The following FAM83E variants were observed in gnomAD, a reference collection of about 807,000 sequenced individuals.
The protein encoded by FAM83E is scaffolding CK1 anchoring protein E, also known as protein FAM83E.
Under a neutral mutation model 34.3 loss-of-function variants are expected in FAM83E, and 29 were observed. That is an observed-to-expected ratio of 0.85 (90% CI 0.63 to 1.15). The LOEUF (loss-of-function observed/expected upper bound fraction) is 1.15. Among genes scored for constraint, FAM83E ranks in the 50% most tolerant of loss-of-function variants. The probability of loss-of-function intolerance (pLI) is 0.00; values close to 1 mark genes in which losing one functional copy is unlikely to be tolerated. For synonymous variants in FAM83E, 312 were observed against 311.6 expected, an observed-to-expected ratio of 1.00 and a Z score of -0.01; for missense variants, 697 against 685.0, an observed-to-expected ratio of 1.02 and a Z score of -0.20.
At chr19:48,605,006 C>T (rs1407734668) in intron 5 of FAM83E, among the ~76,000 whole-genome samples, 3 of 124,360 alleles carry the variant, frequency 2.4e-5, no homozygotes, top group African/African-American at 1.0e-4. Context: ...GGCGACAGAG[C>T]GAGACTCTGA....
chr19:48,609,832 G>A, intron 5 of FAM83E, 44 bp downstream of exon 5: 1 of 1,598,976 alleles, frequency 6.3e-7, no homozygotes, highest in Admixed American at 1.7e-5. Flanking sequence ...AGGGAAAGTG[G>A]GGTATAGGAC....
chr19:48,613,042 C>A lies in FAM83E; in HGVS notation c.331G>T (p.Val111Phe). Residue 111 changes from valine (V) to phenylalanine (F), a missense_variant, in exon 3 of 7, where the codon GTC becomes TTC. By Grantham distance (50) the Val-to-Phe change is conservative. Coordinates refer to ENST00000263266, the MANE Select transcript of FAM83E (RefSeq NM_017708.4). Reference sequence around the variant, plus strand: ...TCCACTGGCCAGCCCAGCCGCAGGACGGGCGCCGGCTGCTCCGACTGCCCA... The same window carrying A: ...TCCACTGGCCAGCCCAGCCGCAGGAAGGGCGCCGGCTGCTCCGACTGCCCA... The part of the protein sequence containing the change: ...WPGQSEQPAP[V>F]LRLGWPVDSA... The A allele has an allele frequency of 6.2e-7, 1 of 1,602,194 alleles. No homozygotes were observed. The highest frequency in any genetic ancestry group is 8.5e-7 in the Non-Finnish European group (1 of 1,175,606).
Position 48,613,416 on chromosome 19 carries a change from C to G in FAM83E, c.-44G>C. On this transcript the variant is annotated 5_prime_UTR_variant, in exon 3 of 7. Coordinates refer to ENST00000263266, the MANE Select transcript of FAM83E (RefSeq NM_017708.4). ...AGGACTGACTGTGAGAGGCTGGGTC[C>G]CCGGGGGTCTGGCTGTCTCTGGGGA... 6.8e-7 allele frequency: 1 copy of G among 1,473,710 alleles called. No homozygotes were observed. The highest frequency in any genetic ancestry group is 9.0e-7 in the Non-Finnish European group (1 of 1,113,628). 91.3% of individuals were successfully genotyped at this position (1,473,710 alleles called of 1,614,324 possible).
At chr19:48,603,227 G>A (rs1035453060) in intron 6 of FAM83E, among the ~76,000 whole-genome samples, 4 of 152,082 alleles carry the variant, frequency 2.6e-5, no homozygotes, top group African/African-American at 9.7e-5. Context: ...CAAGTCCTCG[G>A]CTTCCCCCCA....
At chr19:48,608,573 T>C (rs2147645293) in intron 5 of FAM83E, among the ~76,000 whole-genome samples, 1 of 150,984 alleles carries the variant, frequency 6.6e-6, no homozygotes, top group East Asian at 2.0e-4. Flanking sequence ...GCCTCCCGAG[T>C]AGCTGGGACT....
At chr19:48,610,032 T>G in intron 4 of FAM83E, 32 bp from the exon 5 acceptor site, 1 of 1,603,102 alleles carries the variant, frequency 6.2e-7, no homozygotes, top group Non-Finnish European at 8.5e-7. Flanking sequence ...GGTACACCCT[T>G]GCTGAGGCCC....
In FAM83E at chr19:48,603,491, C is replaced by A; in HGVS notation, c.1176+3G>T. ...TCTTCTGGCACCAGCCACAAGGTCT[C>A]ACCTCGTTGTCCCCATCACTGGAGC... On this transcript the variant is annotated splice_donor_region_variant and intron_variant, in intron 6 of 6. Transcript: ENST00000263266. The A allele has an allele frequency of 6.4e-7, 1 of 1,560,406 alleles. No homozygotes were observed. The highest frequency in any genetic ancestry group is 8.6e-7 in the Non-Finnish European group (1 of 1,161,892).
chr19:48,608,836 C>A (rs904819655), intron 5 of FAM83E, among the ~76,000 whole-genome samples: 14 of 151,680 alleles, frequency 9.2e-5, no homozygotes, highest in Admixed American at 2.0e-4. Context: ...CTCAGCTGGG[C>A]ACCTGTGCTC....
intron 5 of FAM83E, among the ~76,000 whole-genome samples, chr19:48,609,348 G>A (rs59926280): frequency 0.088 from 12,802 of 145,340 alleles, 761 homozygotes; most frequent in Admixed American, 0.19. Context: ...CGCGATCTCG[G>A]CTCACTGCAA....
rs978394333 is a variant in FAM83E at position 48,614,498 on chromosome 19, C to T, written c.-1126G>A. ...TATCTCGCCCTGTCTCCCTCCCAAGCCTCAGTTATCCCCTTGAGGCTCCTG... is the reference window on the plus strand; with the variant it reads ...TATCTCGCCCTGTCTCCCTCCCAAGTCTCAGTTATCCCCTTGAGGCTCCTG... On this transcript the variant is annotated 5_prime_UTR_variant, in exon 3 of 7. Coordinates refer to ENST00000263266, the MANE Select transcript of FAM83E (RefSeq NM_017708.4). The T allele has an allele frequency of 2.1e-5, 21 of 985,520 alleles. No individual in the cohort carries two copies. The highest frequency in any genetic ancestry group is 2.5e-5 in the Non-Finnish European group (21 of 830,102). The allele number at this position is 985,520 out of a possible 1,614,324, so 61.0% of individuals were successfully genotyped here.
In FAM83E at chr19:48,600,650, C is replaced by CTT. The variant is rs780157808; in HGVS notation, c.*457_*458dup. On this transcript the variant is annotated 3_prime_UTR_variant, in exon 7 of 7. Coordinates refer to ENST00000263266, the MANE Select transcript of FAM83E (RefSeq NM_017708.4). ...CGATCAGCCTTTCTTTTTCTTTTTT[C>CTT]TTTTTTTTTTTTTTTTAAAGAGATG... 5.9e-5 allele frequency among the ~76,000 whole-genome samples: 8 copies of CTT among 136,692 alleles called. No homozygotes were observed. The highest frequency in any genetic ancestry group is 3.8e-3 in the Middle Eastern group (1 of 262). The allele number at this position is 136,692 out of a possible 152,430, so 89.7% of individuals were successfully genotyped here. A position where few individuals can be genotyped will look rare whatever the true frequency, so the allele number is the denominator to read the frequency against.
rs567050533 is a variant in FAM83E at position 48,614,100 on chromosome 19, G to A, written c.-728C>T. On this transcript the variant is annotated 5_prime_UTR_variant, in exon 3 of 7. Transcript: ENST00000263266. ...GACCAGCCAGGATGCCTCTCCACTG[G>A]GCCTGCTCGCTCAGCCTTAAAGGCC... 3.0e-5 allele frequency: 30 copies of A among 985,612 alleles called. No homozygotes were observed. In the East Asian group the frequency reaches 2.8e-3, roughly 93 times the overall value. The allele number at this position is 985,612 out of a possible 1,614,324, so 61.1% of individuals were successfully genotyped here.
At position 48,614,201 on chromosome 19, in the gene FAM83E, C is replaced by T; in HGVS notation, c.-829G>A. The T allele has an allele frequency of 4.1e-6, 4 of 985,692 alleles. No homozygotes were observed. The highest frequency in any genetic ancestry group is 4.8e-6 in the Non-Finnish European group (4 of 830,160). 61.1% of individuals were successfully genotyped at this position (985,692 alleles called of 1,614,324 possible). The stretch of plus-strand genomic sequence containing the variant: ...TGGACCCTCCTCACACTCCTTCCAG[C>T]TGCTGCAGTGGAGGGTGAAATGCGC... On this transcript the variant is annotated 5_prime_UTR_variant, in exon 3 of 7. Transcript: ENST00000263266.
chr19:48,609,853 G>T (rs756045667), intron 5 of FAM83E, 23 bp downstream of exon 5: 2 of 1,609,778 alleles, frequency 1.2e-6, no homozygotes, highest in East Asian at 2.2e-5. Context: ...GCCGGGAGGT[G>T]GGGGGCGGGG....
rs80337502 is a variant in FAM83E, at chr19:48,600,999, C to G, written c.*110G>C. On this transcript the variant is annotated 3_prime_UTR_variant, in exon 7 of 7. Coordinates refer to ENST00000263266, the MANE Select transcript of FAM83E (RefSeq NM_017708.4). ...AACATCCCTTCTGCTTGACAGACGC[C>G]GAGGCCAGAAGCCTTGTCCAAGGCA... 1.4e-5 allele frequency: 20 copies of G among 1,479,908 alleles called. No homozygotes were observed. The Admixed American group carries it at 1.7e-4, about 12-fold the overall frequency. The allele number at this position is 1,479,908 out of a possible 1,614,324, so 91.7% of individuals were successfully genotyped here.
rs1005655731 is a variant in FAM83E at position 48,601,203 on chromosome 19, C to T, written c.1343G>A (p.Arg448Gln). Residue 448 changes from arginine (R) to glutamine (Q), a missense_variant, in exon 7 of 7, where the codon CGG (arginine) becomes CAG (glutamine). By Grantham distance (43) the Arg-to-Gln change is conservative (BLOSUM62 1). Coordinates refer to ENST00000263266, the MANE Select transcript of FAM83E (RefSeq NM_017708.4). ...TTTGAATGTAGCATCCCCACCGAAC[C>T]GCCTTCGGGCTGGGGACAGATAGCG... ...RLRYLSPARR[R>Q]FGGDATFKLQ... The T allele has an allele frequency of 9.3e-6, 15 of 1,611,544 alleles. No homozygotes were observed. The highest frequency in any genetic ancestry group is 2.7e-5 in the African/African-American group (2 of 74,892).
chr19:48,610,755 C>A lies in FAM83E; in HGVS notation c.558G>T (p.Leu186=), dbSNP rs750120516. The change falls in exon 4 of 7, where the codon CTG becomes CTT. Residue 186 remains leucine (L), a synonymous_variant. Coordinates refer to ENST00000263266, the MANE Select transcript of FAM83E (RefSeq NM_017708.4). ...CAGGCAGCTGCTGGCGGTCCAGGAGCAGGTAGACAGGTACCCAGCGGCGCG... is the reference window on the plus strand; with the variant it reads ...CAGGCAGCTGCTGGCGGTCCAGGAGAAGGTAGACAGGTACCCAGCGGCGCG... The part of the protein sequence containing the change: ...AATRRWVPVY[L]LLDRQQLPAF... The A allele has an allele frequency of 2.5e-6, 4 of 1,586,874 alleles. No individual in the cohort carries two copies.
intron 5 of FAM83E, among the ~76,000 whole-genome samples, chr19:48,608,110 T>C (rs892543769): frequency 2.0e-5 from 3 of 152,068 alleles, no homozygotes; most frequent in African/African-American, 7.2e-5. Context: ...CTGTGTATTG[T>C]TCTCTCTTTT....
Position 48,610,861 on chromosome 19 carries a change from GA to G in FAM83E, c.466-15del. The G allele has an allele frequency of 2.5e-6, 4 of 1,583,284 alleles. No homozygotes were observed. Among genetic ancestry groups the G allele is most frequent in the Middle Eastern group, 1.7e-4 (1 of 6,032 alleles). ...CACGGCCACCAGCTGGGCATGGGGA[GA>G]GGGGCGGTGGGCTTGTGAACGGAAG... On this transcript the variant is annotated splice_polypyrimidine_tract_variant and intron_variant, in intron 3 of 6. Transcript: ENST00000263266.
Sources: gnomAD v4.1 joint callset for allele counts (sites outside exome capture counted in the v4.1 genomes callset) on GRCh38, gnomAD v4.1.1 for gene constraint, MANE v1.5 for transcripts, NCBI Gene and HGNC (gene_info 2026-07-23, HGNC 2026-07-21) for gene names.